ERBB4: variants seen among roughly 807,000 people sequenced by gnomAD.
ERBB4 encodes the protein receptor tyrosine-protein kinase erbB-4.
A neutral mutation model predicts 158.0 loss-of-function variants in ERBB4; 42 were observed. The observed-to-expected ratio is 0.27, with a 90% CI of 0.21 to 0.34. The LOEUF (loss-of-function observed/expected upper bound fraction) is 0.34. Among genes scored for constraint, ERBB4 ranks in the 10% least tolerant of loss-of-function variants. The pLI is 1.00. For missense variants in ERBB4, 1,333 were observed against 1,624.1 expected (o/e 0.82, Z 3.08); for synonymous variants, 583 against 558.7 (o/e 1.04, Z -0.61).
At chr2:212,124,609 G>T in intron 2 of ERBB4, 143 bp downstream of exon 2, 5 of 869,212 alleles carry the variant, frequency 5.8e-6, no homozygotes, top group Admixed American at 4.1e-5. Context: ...GGTGCGTTTC[G>T]CTATCTCTTA....
At chr2:211,889,019 A>C (rs1427455377) in intron 3 of ERBB4, among the ~76,000 whole-genome samples, 5 of 145,084 alleles carry the variant, frequency 3.4e-5, no homozygotes, top group Middle Eastern at 3.2e-3. Context: ...CAAAGCAGCC[A>C]GGAAGCTCGA....
intron 1 of ERBB4, among the ~76,000 whole-genome samples, chr2:212,376,831 T>C (rs1505375): frequency 0.17 from 25,907 of 152,008 alleles, 2,529 homozygotes; most frequent in South Asian, 0.26. Context: ...TTTTATCTTC[T>C]AATTTCATTT....
intron 1 of ERBB4, among the ~76,000 whole-genome samples, chr2:212,181,314 C>T (rs967728056): frequency 6.6e-6 from 1 of 151,554 alleles, no homozygotes; most frequent in South Asian, 2.1e-4. Flanking sequence ...TGTTGTTGGG[C>T]TGCCAATATT....
chr2:211,933,359 A>G (rs901685224), intron 3 of ERBB4, among the ~76,000 whole-genome samples: 16 of 152,084 alleles, frequency 1.1e-4, no homozygotes, highest in African/African-American at 3.9e-4. Flanking sequence ...AGATATATCT[A>G]TAGGTATGTT....
At chr2:212,173,403 C>T (rs565569854) in intron 1 of ERBB4, among the ~76,000 whole-genome samples, 1 of 152,180 alleles carries the variant, frequency 6.6e-6, no homozygotes, top group South Asian at 2.1e-4. Context: ...GTAGCAAAGG[C>T]AAAGGCCTTG....
intron 3 of ERBB4, among the ~76,000 whole-genome samples, chr2:211,927,379 A>G (rs1307208747): frequency 1.3e-5 from 2 of 152,202 alleles, no homozygotes; most frequent in Non-Finnish European, 2.9e-5. Flanking sequence ...GTCCAGTTAC[A>G]AAAATATATT....
chr2:212,286,767 A>ATTTTATTTTTTTTTTTTT (rs2085995028), intron 1 of ERBB4, among the ~76,000 whole-genome samples: 1 of 39,562 alleles, frequency 2.5e-5, no homozygotes, highest in Non-Finnish European at 4.2e-5. Flanking sequence ...ATGAGGGTTA[A>ATTTTATTTTTTTTTTTTT]TTTTTTTTTT....
intron 3 of ERBB4, among the ~76,000 whole-genome samples, chr2:211,837,378 A>C (rs921997193): frequency 3.3e-5 from 5 of 152,130 alleles, no homozygotes; most frequent in African/African-American, 4.8e-5. Context: ...TCTCAAGTAC[A>C]TAAAGGGCTC....
At chr2:212,469,753 T>G (rs1427254653) in intron 1 of ERBB4, among the ~76,000 whole-genome samples, 2 of 152,160 alleles carry the variant, frequency 1.3e-5, no homozygotes, top group Non-Finnish European at 2.9e-5. Context: ...GATTTTTCAA[T>G]GCCTTCCAAA....
intron 2 of ERBB4, among the ~76,000 whole-genome samples, chr2:212,042,773 A>C (rs1164163125): frequency 6.6e-6 from 1 of 152,112 alleles, no homozygotes; most frequent in Non-Finnish European, 1.5e-5. Context: ...CCTCCAAAAT[A>C]CTTGTCATCC....
intron 2 of ERBB4, among the ~76,000 whole-genome samples, chr2:212,098,991 C>T (rs1192284593): frequency 1.3e-5 from 2 of 151,818 alleles, no homozygotes; most frequent in Non-Finnish European, 2.9e-5. Flanking sequence ...TATTAAAAGG[C>T]TACTGCTGGC....
At position 211,989,758 on chromosome 2, in the gene ERBB4, T is replaced by C. The variant is rs534077757; in HGVS notation, c.235-42142A>G. The stretch of plus-strand genomic sequence containing the variant: ...ATGAATAAATATGAGTTTTTATGAA[T>C]AAAAAATGAGTCTTCAGTGAATGTT... On this transcript the variant is annotated intron_variant, in intron 2 of 27. Coordinates refer to ENST00000342788, the MANE Select transcript of ERBB4 (RefSeq NM_005235.3). Among the ~76,000 whole-genome samples, 7 of 152,002 alleles carry C rather than the reference T, an allele frequency of 4.6e-5. No homozygotes were observed. In the South Asian group the frequency reaches 1.5e-3, roughly 32 times the overall value.
chr2:212,074,068 G>A (rs530682506), intron 2 of ERBB4, among the ~76,000 whole-genome samples: 1 of 152,140 alleles, frequency 6.6e-6, no homozygotes, highest in Non-Finnish European at 1.5e-5. Flanking sequence ...ATTGGCCTAT[G>A]TACATTCTAC....
chr2:211,379,093 T>C lies in ERBB4; in HGVS notation c.*4522A>G, dbSNP rs2062530878. The C allele has an allele frequency of 4.3e-6, 1 of 231,268 alleles. No individual in the cohort carries two copies. The highest frequency in any genetic ancestry group is 5.7e-5 in the Admixed American group (1 of 17,690). The allele number at this position is 231,268 out of a possible 1,614,324, so 14.3% of individuals were successfully genotyped here. On this transcript the variant is annotated 3_prime_UTR_variant, in exon 28 of 28. Coordinates refer to ENST00000342788, the MANE Select transcript of ERBB4 (RefSeq NM_005235.3). ...CAATGCAATAGTTTGAAACGCTTGG[T>C]TTAGCATTTATTTATCAGAAAAATT...
At chr2:211,726,317 A>G (rs562415060) in intron 5 of ERBB4, among the ~76,000 whole-genome samples, 9 of 152,258 alleles carry the variant, frequency 5.9e-5, no homozygotes, top group African/African-American at 1.7e-4. Flanking sequence ...ACTGTCTACC[A>G]GTAAATGACT....
intron 7 of ERBB4, among the ~76,000 whole-genome samples, chr2:211,721,443 C>CAAAAACAAAAAAAAA (rs2074087089): frequency 1.8e-5 from 1 of 54,498 alleles, no homozygotes; most frequent in Non-Finnish European, 3.0e-5. Flanking sequence ...TTACTCAAAG[C>CAAAAACAAAAAAAAA]AAAAAAAAAA....
At chr2:211,995,819 A>T (rs2082188520) in intron 2 of ERBB4, among the ~76,000 whole-genome samples, 1 of 152,164 alleles carries the variant, frequency 6.6e-6, no homozygotes, top group Non-Finnish European at 1.5e-5. Context: ...TGAGGCTGGA[A>T]TAAGAGATCC....
At chr2:211,895,355 T>C (rs1381191389) in intron 3 of ERBB4, among the ~76,000 whole-genome samples, 2 of 152,190 alleles carry the variant, frequency 1.3e-5, no homozygotes, top group Non-Finnish European at 2.9e-5. Context: ...ACTCCTGGGC[T>C]AAAGTGATCC....
At chr2:211,772,721 C>G (rs2075723694) in intron 4 of ERBB4, among the ~76,000 whole-genome samples, 1 of 146,302 alleles carries the variant, frequency 6.8e-6, no homozygotes, top group Admixed American at 7.0e-5. Flanking sequence ...TCATGGCTCA[C>G]TTCAGTCTTG....
Sources: gnomAD v4.1 joint callset for allele counts (sites outside exome capture counted in the v4.1 genomes callset) on GRCh38, gnomAD v4.1.1 for gene constraint, MANE v1.5 for transcripts, NCBI Gene and HGNC (gene_info 2026-07-23, HGNC 2026-07-21) for gene names.